DMD: variants seen among roughly 807,000 people sequenced by gnomAD.
DMD encodes the protein dystrophin, also known as mutant dystrophin.
A neutral mutation model predicts 330.1 loss-of-function variants in DMD; 63 were observed. The ratio of observed to expected loss-of-function variants is 0.19; its 90% CI spans 0.16 to 0.24. The LOEUF (loss-of-function observed/expected upper bound fraction) is 0.24, where lower values mean the gene tolerates loss of function less well. DMD is among the 10% of genes least tolerant of loss of function. The pLI, the probability that DMD is intolerant of heterozygous loss-of-function variation, is 1.00. For missense variants in DMD, 3,344 were observed against 2,684.1 expected, an observed-to-expected ratio of 1.25 and a Z score of -5.43; for synonymous variants, 1,223 against 959.8, an observed-to-expected ratio of 1.27 and a Z score of -5.07.
chrX:31,251,384 G>C (rs1458922963), intron 63 of DMD, among the ~76,000 whole-genome samples: 1 of 111,237 alleles, frequency 9.0e-6, no homozygotes, highest in African/African-American at 3.3e-5. Context: ...AAAGAAATCT[G>C]TATGTAAATA....
chrX:31,204,715 C>T (rs910960004), intron 66 of DMD, among the ~76,000 whole-genome samples: 5 of 111,945 alleles, frequency 4.5e-5, no homozygotes, highest in African/African-American at 6.5e-5. Flanking sequence ...CTCTGCCTCC[C>T]GGGTTCAAGC....
chrX:32,133,770 C>A (rs1366000400), intron 44 of DMD, among the ~76,000 whole-genome samples: 1 of 111,181 alleles, frequency 9.0e-6, no homozygotes, highest in African/African-American at 3.3e-5. Context: ...TCTTATCACC[C>A]TGGTCTCAGT....
chrX:32,496,697 C>T (rs1226874016), intron 19 of DMD, among the ~76,000 whole-genome samples: 1 of 112,897 alleles, frequency 8.9e-6, no homozygotes, highest in East Asian at 2.8e-4. Flanking sequence ...CGTGCATGCA[C>T]GCCGTGCTCA....
chrX:31,270,927 G>A (rs989763749), intron 62 of DMD, among the ~76,000 whole-genome samples: 1 of 111,742 alleles, frequency 8.9e-6, no homozygotes, highest in Admixed American at 9.5e-5. Context: ...CTGACTGGAT[G>A]TATGAATGGA....
Position 32,238,727 on chromosome X carries a change from T to C in DMD, c.6291-21664A>G, listed in dbSNP as rs962509542. On this transcript the variant is annotated intron_variant, in intron 43 of 78. Transcript: ENST00000357033. ...CCTAGAAGTTTAAAGGAAGTGTTCC[T>C]TTCTGCTATTTTCCATGGCTATTGC... 5.4e-4 allele frequency among the ~76,000 whole-genome samples: 60 copies of C among 111,982 alleles called. 1 individual carries two copies. The highest frequency in any genetic ancestry group is 1.8e-3 in the African/African-American group (55 of 30,835).
chrX:32,629,664 T>G (rs897481653), intron 11 of DMD, among the ~76,000 whole-genome samples: 8 of 111,148 alleles, frequency 7.2e-5, no homozygotes, highest in Non-Finnish European at 5.7e-5. Context: ...TGTTATACAT[T>G]CTTATTAATT....
chrX:32,762,371 G>A (rs541339240), intron 7 of DMD, among the ~76,000 whole-genome samples: 8 of 110,656 alleles, frequency 7.2e-5, no homozygotes, highest in African/African-American at 2.0e-4. Context: ...CCATCTCTTC[G>A]GCATTCTCCT....
intron 9 of DMD, among the ~76,000 whole-genome samples, chrX:32,672,175 C>T (rs748519862): frequency 7.2e-5 from 8 of 110,873 alleles, no homozygotes; most frequent in African/African-American, 2.6e-4. Context: ...AAGTATTGCT[C>T]TAGAAATATT....
At chrX:31,319,926 G>T (rs1304144441) in intron 62 of DMD, among the ~76,000 whole-genome samples, 2 of 112,295 alleles carry the variant, frequency 1.8e-5, no homozygotes, top group Non-Finnish European at 3.8e-5. Context: ...GCTGGTTAAA[G>T]GCTATTATAT....
chrX:31,177,950 A>G lies in DMD; in HGVS notation c.10244T>C (p.Phe3415Ser). 1 of 1,208,586 alleles carries G rather than the reference A, an allele frequency of 8.3e-7. No individual in the cohort carries two copies. Among genetic ancestry groups the G allele is most frequent in the South Asian group, 1.8e-5 (1 of 56,304 alleles). The change falls in exon 71 of 79, where the codon TTC becomes TCC. Residue 3415 changes from phenylalanine to serine, a missense_variant. Coordinates refer to ENST00000357033, the MANE Select transcript of DMD (RefSeq NM_004006.3). ...NMETPVTLIN[F>S]WPVDSAPASS... The stretch of plus-strand genomic sequence containing the variant: ...TACTCACGCAGAATCTACTGGCCAG[A>G]AGTTGATCAGAGTAACGGGACTGCA...
intron 1 of DMD, among the ~76,000 whole-genome samples, chrX:33,096,436 A>G (rs12558088): frequency 0.48 from 52,368 of 108,882 alleles, 9,947 homozygotes; most frequent in Admixed American, 0.59. Flanking sequence ...TTTTAAATCT[A>G]TAAGTTAAAA....
At position 31,142,791 on chromosome X, in the gene DMD, TG is replaced by T. The variant is rs1259260750; in HGVS notation, c.10921+3499del. On this transcript the variant is annotated intron_variant, in intron 76 of 78. Coordinates refer to ENST00000357033, the MANE Select transcript of DMD (RefSeq NM_004006.3). ...AACATTGTTAATTGCTATTTTGTTCTGTATTTGCTTCCTCCAATAGAATGTA... is the reference window on the plus strand; with the variant it reads ...AACATTGTTAATTGCTATTTTGTTCTTATTTGCTTCCTCCAATAGAATGTA... Among the ~76,000 whole-genome samples the T allele has an allele frequency of 5.3e-5, 6 of 112,331 alleles. No homozygotes were observed. In the East Asian group the frequency reaches 1.7e-3, roughly 31 times the overall value.
At chrX:32,247,397 A>G (rs2097244427) in intron 43 of DMD, among the ~76,000 whole-genome samples, 1 of 112,026 alleles carries the variant, frequency 8.9e-6, no homozygotes, top group South Asian at 3.7e-4. Context: ...AAAAATCGTT[A>G]AGTATTTCTT....
chrX:32,252,865 TATAA>T (rs1237882100), intron 43 of DMD, among the ~76,000 whole-genome samples: 2 of 73,266 alleles, frequency 2.7e-5, no homozygotes, highest in Admixed American at 2.1e-4. Flanking sequence ...TATATAAATA[TATAA>T]ATATATAAAA....
intron 43 of DMD, among the ~76,000 whole-genome samples, chrX:32,239,342 C>T (rs1311852261): frequency 5.4e-5 from 6 of 111,548 alleles, no homozygotes; most frequent in Non-Finnish European, 7.5e-5. Flanking sequence ...TATTTCTGCT[C>T]TTCATTTTTA....
At chrX:33,166,956 C>A (rs1373797461) in intron 1 of DMD, among the ~76,000 whole-genome samples, 1 of 110,706 alleles carries the variant, frequency 9.0e-6, no homozygotes, top group East Asian at 2.8e-4. Flanking sequence ...AAAGCACCAT[C>A]GATATGTATC....
At chrX:31,138,192 CAAG>C (rs1437076607) in intron 76 of DMD, among the ~76,000 whole-genome samples, 1 of 111,504 alleles carries the variant, frequency 9.0e-6, no homozygotes, top group East Asian at 2.8e-4. Context: ...CTTGCTAGCC[CAAG>C]AAGGATGAGA....
At chrX:31,276,798 G>A (rs2052163787) in intron 62 of DMD, among the ~76,000 whole-genome samples, 1 of 111,821 alleles carries the variant, frequency 8.9e-6, no homozygotes. Context: ...CAGGTTTAAA[G>A]AAGTCAGACA....
intron 4 of DMD, among the ~76,000 whole-genome samples, chrX:32,835,656 A>G (rs775437060): frequency 8.9e-6 from 1 of 111,962 alleles, no homozygotes; most frequent in South Asian, 3.7e-4. Context: ...TCAAGTGAGG[A>G]TAACAGGTTA....
Sources: allele counts gnomAD v4.1 joint callset (sites outside exome capture counted in the v4.1 genomes callset), GRCh38; gene constraint gnomAD v4.1.1; transcripts MANE v1.5; gene names NCBI Gene and HGNC (gene_info 2026-07-23, HGNC 2026-07-21).